Variants in PTPRN2 observed in about 807,000 individuals in gnomAD.
The protein encoded by PTPRN2 is receptor-type tyrosine-protein phosphatase N2.
PTPRN2 carries 74 observed loss-of-function variants against 118.8 expected under a neutral mutation model. That is an observed-to-expected ratio of 0.62 (90% CI 0.52 to 0.76). The LOEUF (loss-of-function observed/expected upper bound fraction) is 0.76. Ranked by LOEUF, PTPRN2 falls within the 30% of genes least tolerant of loss-of-function variation. The pLI is 0.00. For missense variants in PTPRN2, 1,481 were observed against 1,394.4 expected (o/e 1.06, Z -0.99); for synonymous variants, 641 against 608.0 (o/e 1.05, Z -0.80).
rs1033819202 is a variant in PTPRN2, at chr7:158,146,710, G to C, written c.911-8195C>G. Among the ~76,000 whole-genome samples, 12 of 140,242 alleles carry C rather than the reference G, an allele frequency of 8.6e-5. 1 individual carries two copies. The highest frequency in any genetic ancestry group is 2.4e-4 in the African/African-American group (9 of 36,772). The allele number at this position is 140,242 out of a possible 152,430, so 92.0% of individuals were successfully genotyped here. On this transcript the variant is annotated intron_variant, in intron 6 of 22. Transcript: ENST00000389418. ...CACTCCAGCCTGGGCGACAGAGCGAGACTCTGCCTCAAAAAAAAAAAAAAA... is the reference window on the plus strand; with the variant it reads ...CACTCCAGCCTGGGCGACAGAGCGACACTCTGCCTCAAAAAAAAAAAAAAA...
chr7:157,701,668 C>T (rs1196962848), intron 12 of PTPRN2, among the ~76,000 whole-genome samples: 1 of 152,214 alleles, frequency 6.6e-6, no homozygotes, highest in African/African-American at 2.4e-5. Flanking sequence ...ACACTCTGAC[C>T]CACTCACAAA....
chr7:157,702,735 T>C (rs956872794), intron 12 of PTPRN2, among the ~76,000 whole-genome samples: 2 of 152,236 alleles, frequency 1.3e-5, no homozygotes, highest in Non-Finnish European at 2.9e-5. Flanking sequence ...TTTTGCTAAA[T>C]GAATACCACA....
intron 2 of PTPRN2, among the ~76,000 whole-genome samples, chr7:158,374,704 G>A (rs903580106): frequency 6.6e-6 from 1 of 152,170 alleles, no homozygotes; most frequent in African/African-American, 2.4e-5. Context: ...AGAAATTAAA[G>A]AATGCCCTGC....
chr7:157,606,066 C>T (rs1801984242), intron 15 of PTPRN2, among the ~76,000 whole-genome samples: 1 of 152,268 alleles, frequency 6.6e-6, no homozygotes, highest in South Asian at 2.1e-4. Flanking sequence ...TTCGGCTTCC[C>T]TCCCATGCTT....
intron 12 of PTPRN2, among the ~76,000 whole-genome samples, chr7:157,697,376 G>A (rs1797844299): frequency 7.4e-6 from 1 of 135,030 alleles, no homozygotes; most frequent in African/African-American, 2.9e-5. Flanking sequence ...CATGCATACT[G>A]GGTCTTAGTA....
intron 4 of PTPRN2, among the ~76,000 whole-genome samples, chr7:158,204,782 G>A (rs1209313439): frequency 6.6e-6 from 1 of 152,184 alleles, no homozygotes; most frequent in Non-Finnish European, 1.5e-5. Context: ...ATTTAGCTCA[G>A]TATACGTTGC....
chr7:158,070,146 TG>T (rs1341979807), intron 11 of PTPRN2, among the ~76,000 whole-genome samples: 1 of 152,242 alleles, frequency 6.6e-6, no homozygotes, highest in Non-Finnish European at 1.5e-5. Flanking sequence ...CATGGGGCAC[TG>T]CACTATGGCC....
rs754103895 is a variant in PTPRN2, at chr7:158,526,248, G to A, written c.113-36463C>T. Among the ~76,000 whole-genome samples, 4 of 152,202 alleles carry A rather than the reference G, an allele frequency of 2.6e-5. No individual in the cohort carries two copies. The highest frequency in any genetic ancestry group is 5.9e-5 in the Non-Finnish European group (4 of 68,036). On this transcript the variant is annotated intron_variant, in intron 1 of 22. Coordinates refer to ENST00000389418, the MANE Select transcript of PTPRN2 (RefSeq NM_002847.5). The surrounding 1 kb of genome is among the most constrained non-coding windows in gnomAD (Gnocchi z 5.2). ...GTGTGGCGAAGGGGTCACCCCTCGTGCAGGCTCAGGCCCTCCCTGCCCACC... is the reference window on the plus strand; with the variant it reads ...GTGTGGCGAAGGGGTCACCCCTCGTACAGGCTCAGGCCCTCCCTGCCCACC...
intron 6 of PTPRN2, among the ~76,000 whole-genome samples, chr7:158,139,038 C>G (rs1034835764): frequency 1.3e-5 from 2 of 152,142 alleles, no homozygotes; most frequent in African/African-American, 4.8e-5. Flanking sequence ...AACACAGCCA[C>G]ACAGGGTCAA....
intron 2 of PTPRN2, among the ~76,000 whole-genome samples, chr7:158,365,576 C>G (rs1402321310): frequency 6.6e-6 from 1 of 152,190 alleles, no homozygotes; most frequent in African/African-American, 2.4e-5. Context: ...AACTGGCATG[C>G]GTGGAGTCTG....
At chr7:157,826,563 T>C (rs370502376) in intron 12 of PTPRN2, among the ~76,000 whole-genome samples, 3,932 of 67,934 alleles carry the variant, frequency 0.058, 14 homozygotes, top group Middle Eastern at 0.2. Context: ...TGTGCAAAGA[T>C]GGCAGCACGA....
chr7:158,444,651 C>T (rs1347851651), intron 2 of PTPRN2, among the ~76,000 whole-genome samples: 1 of 152,188 alleles, frequency 6.6e-6, no homozygotes, highest in African/African-American at 2.4e-5. Context: ...TGCAGCTGCT[C>T]GCCAGAACGT....
At chr7:158,520,114 T>C (rs541263714) in intron 1 of PTPRN2, among the ~76,000 whole-genome samples, 15 of 152,222 alleles carry the variant, frequency 9.9e-5, no homozygotes, top group Non-Finnish European at 1.8e-4. Context: ...ACAACGGCAA[T>C]GCCAAGAAAG....
At chr7:158,473,049 TAGA>T (rs1189492007) in intron 2 of PTPRN2, among the ~76,000 whole-genome samples, 3 of 151,954 alleles carry the variant, frequency 2.0e-5, no homozygotes, top group African/African-American at 7.3e-5. Flanking sequence ...GCATAATCTT[TAGA>T]ATCCACGTTT....
At chr7:157,978,095 G>T (rs1031103320) in intron 11 of PTPRN2, among the ~76,000 whole-genome samples, 1 of 151,988 alleles carries the variant, frequency 6.6e-6, no homozygotes, top group Admixed American at 6.5e-5. Flanking sequence ...CACTAATTAG[G>T]ATAAAAGAGG....
At chr7:157,595,669 C>A (rs1363499735) in intron 16 of PTPRN2, among the ~76,000 whole-genome samples, 1 of 146,322 alleles carries the variant, frequency 6.8e-6, no homozygotes, top group Admixed American at 7.2e-5. Flanking sequence ...GTTAGGGAGC[C>A]CAGAGGTTAG....
rs78631326 is a variant in PTPRN2 at position 158,563,023 on chromosome 7, G to T, written c.112+24535C>A. On this transcript the variant is annotated intron_variant, in intron 1 of 22. Transcript: ENST00000389418. The surrounding 1 kb of genome is among the most constrained non-coding windows in gnomAD (Gnocchi z 5.1). ...CTGGCCCAGGAAAACCTACATTGAG[G>T]GGGCAGGGTGTGGTCCTCCTGGTTT... is the stretch of plus-strand genomic sequence containing the variant. Among the ~76,000 whole-genome samples the T allele has an allele frequency of 4.3e-4, 65 of 152,322 alleles. No individual in the cohort carries two copies. In the East Asian group the frequency reaches 8.9e-3, roughly 21 times the overall value.
chr7:157,848,036 T>A (rs1233302234), intron 12 of PTPRN2, among the ~76,000 whole-genome samples: 1 of 151,334 alleles, frequency 6.6e-6, no homozygotes, highest in Non-Finnish European at 1.5e-5. Flanking sequence ...TCTCATTACA[T>A]CGTGTGTGCC....
At chr7:158,146,382 G>C (rs987273080) in intron 6 of PTPRN2, among the ~76,000 whole-genome samples, 3 of 152,114 alleles carry the variant, frequency 2.0e-5, no homozygotes, top group African/African-American at 7.2e-5. Flanking sequence ...GCACCAACCT[G>C]TATTGGGCAT....
Sources: allele counts gnomAD v4.1 joint callset (sites outside exome capture counted in the v4.1 genomes callset), GRCh38; gene constraint gnomAD v4.1.1; non-coding constraint Gnocchi (gnomAD v3.1); transcripts MANE v1.5; gene names NCBI Gene and HGNC (gene_info 2026-07-23, HGNC 2026-07-21).